Variants in RAPGEF6 observed in about 807,000 individuals in gnomAD.
The protein encoded by RAPGEF6 is Rap guanine nucleotide exchange factor 6, also known as PDZ domain containing guanine nucleotide exchange factor (GEF) 2.
Under a neutral mutation model 171.4 loss-of-function variants are expected in RAPGEF6, and 56 were observed. The ratio of observed to expected loss-of-function variants is 0.33; its 90% CI spans 0.26 to 0.41. The LOEUF (loss-of-function observed/expected upper bound fraction) is 0.41, where lower values mean the gene tolerates loss of function less well. RAPGEF6 is among the 10% of genes least tolerant of loss of function. The probability of loss-of-function intolerance (pLI) is 1.00; values close to 1 mark genes in which losing one functional copy is unlikely to be tolerated. For missense variants in RAPGEF6, 1,674 were observed against 1,921.4 expected (o/e 0.87, Z 2.41); for synonymous variants, 692 against 650.1 (o/e 1.06, Z -0.98).
At chr5:131,486,758 C>A (rs1580901192) in intron 15 of RAPGEF6, among the ~76,000 whole-genome samples, 1 of 125,314 alleles carries the variant, frequency 8.0e-6, no homozygotes, top group Non-Finnish European at 1.6e-5. Context: ...GAGATAGAGT[C>A]TCGCTCTGTC....
At chr5:131,519,705 A>G (rs1758349971) in intron 7 of RAPGEF6, among the ~76,000 whole-genome samples, 1 of 152,196 alleles carries the variant, frequency 6.6e-6, no homozygotes, top group Non-Finnish European at 1.5e-5. Context: ...ATAGTCTTAG[A>G]AAAGTCCAGA....
At position 131,521,509 on chromosome 5, in the gene RAPGEF6, G is replaced by A. The variant is rs147301314; in HGVS notation, c.508C>T (p.Leu170Phe). ...TTTTCTGTGAGATGCATCTTGGTAA[G>A]ATCAGCTGGAAGCTGAAAAAAAAAA... ...VNSYLSLPAD[L>F]TKMHLTENPH... The change falls in exon 7 of 28, where the codon CTT becomes TTT. Residue 170 changes from leucine (L) to phenylalanine (F), a missense_variant. Transcript: ENST00000509018. The A allele has an allele frequency of 3.1e-6, 5 of 1,602,848 alleles. No individual in the cohort carries two copies. In the African/African-American group the frequency reaches 6.7e-5, roughly 22 times the overall value.
intron 7 of RAPGEF6, among the ~76,000 whole-genome samples, chr5:131,516,943 G>T (rs949527806): frequency 6.6e-6 from 1 of 152,170 alleles, no homozygotes; most frequent in Non-Finnish European, 1.5e-5. Context: ...TCTCAAGAAG[G>T]AAATGCATAG....
chr5:131,599,183 C>T (rs1435889765), intron 3 of RAPGEF6, among the ~76,000 whole-genome samples: 2 of 152,058 alleles, frequency 1.3e-5, no homozygotes, highest in African/African-American at 4.8e-5. Context: ...AAAAAGTAGC[C>T]GGGCATGGTG....
intron 12 of RAPGEF6, among the ~76,000 whole-genome samples, chr5:131,496,510 A>G (rs1756650539): frequency 6.6e-6 from 1 of 152,128 alleles, no homozygotes; most frequent in Non-Finnish European, 1.5e-5. Flanking sequence ...TTAAGCTTTC[A>G]CTTCCCATTC....
intron 4 of RAPGEF6, among the ~76,000 whole-genome samples, chr5:131,589,047 G>A (rs1268874030): frequency 6.6e-6 from 1 of 152,056 alleles, no homozygotes; most frequent in Non-Finnish European, 1.5e-5. Flanking sequence ...TCCAACCTGG[G>A]TGACAGAGTG....
chr5:131,501,261 A>G (rs1202547685), intron 11 of RAPGEF6, among the ~76,000 whole-genome samples: 2 of 152,028 alleles, frequency 1.3e-5, no homozygotes, highest in East Asian at 2.0e-4. Flanking sequence ...GCCTGAACCC[A>G]GGAGGCAGAG....
At chr5:131,564,284 T>C (rs1426954633) in intron 4 of RAPGEF6, among the ~76,000 whole-genome samples, 1 of 152,216 alleles carries the variant, frequency 6.6e-6, no homozygotes, top group African/African-American at 2.4e-5. Flanking sequence ...AGCATTTGTG[T>C]GCATATATGC....
intron 4 of RAPGEF6, among the ~76,000 whole-genome samples, chr5:131,580,031 G>A (rs565929973): frequency 1.1e-4 from 17 of 152,356 alleles, no homozygotes; most frequent in Non-Finnish European, 1.8e-4. Context: ...CAAGCTGCGC[G>A]CCTGCACTCC....
intron 15 of RAPGEF6, among the ~76,000 whole-genome samples, chr5:131,487,030 C>G (rs1417601251): frequency 6.6e-6 from 1 of 152,084 alleles, no homozygotes; most frequent in African/African-American, 2.4e-5. Context: ...AGTATTGTGT[C>G]CAGAGTTGGT....
chr5:131,611,267 C>T (rs867514842), intron 1 of RAPGEF6, among the ~76,000 whole-genome samples: 2 of 152,254 alleles, frequency 1.3e-5, no homozygotes, highest in Non-Finnish European at 2.9e-5. Flanking sequence ...ACAACTGCTT[C>T]TAACAGAACC....
intron 1 of RAPGEF6, among the ~76,000 whole-genome samples, chr5:131,629,804 G>T (rs1182981293): frequency 6.6e-6 from 1 of 151,382 alleles, no homozygotes; most frequent in Non-Finnish European, 1.5e-5. Context: ...AAATGAAGAT[G>T]GAGCCTGAAG....
At chr5:131,466,856 C>T (rs1754388111) in intron 17 of RAPGEF6, among the ~76,000 whole-genome samples, 3 of 152,162 alleles carry the variant, frequency 2.0e-5, no homozygotes, top group Non-Finnish European at 4.4e-5. Context: ...TTTCAATTTG[C>T]CAAGAGAAAT....
intron 5 of RAPGEF6, among the ~76,000 whole-genome samples, chr5:131,549,678 T>C (rs1760788163): frequency 6.6e-6 from 1 of 151,702 alleles, no homozygotes; most frequent in Admixed American, 6.6e-5. Context: ...AGACCCTGTC[T>C]CTTAAAAAAA....
At chr5:131,529,901 CTT>C (rs1162181624) in intron 6 of RAPGEF6, among the ~76,000 whole-genome samples, 3 of 119,776 alleles carry the variant, frequency 2.5e-5, no homozygotes, top group African/African-American at 3.3e-5. Flanking sequence ...TTGTCTCCCT[CTT>C]TTTTTTTTTT....
chr5:131,472,665 T>C lies in RAPGEF6; in HGVS notation c.2161A>G (p.Ile721Val). The change falls in exon 17 of 28, where the codon ATC becomes GTC. Residue 721 changes from isoleucine (I) to valine (V), a missense_variant. Transcript: ENST00000509018. ...HCRHSLAIMPIPGTLSSSSPD... is the reference protein window; with the variant it reads ...HCRHSLAIMPVPGTLSSSSPD... ...CTGCTGGATGAGAGTGTTCCAGGGATGGGCATTATAGCCAGACTATGCCTA... is the reference window on the plus strand; with the variant it reads ...CTGCTGGATGAGAGTGTTCCAGGGACGGGCATTATAGCCAGACTATGCCTA... The C allele has an allele frequency of 2.5e-6, 4 of 1,613,498 alleles. No individual in the cohort carries two copies. Among genetic ancestry groups the C allele is most frequent in the African/African-American group, 1.3e-5 (1 of 75,046 alleles).
At chr5:131,466,165 C>T (rs2149839863) in intron 17 of RAPGEF6, among the ~76,000 whole-genome samples, 1 of 150,606 alleles carries the variant, frequency 6.6e-6, no homozygotes, top group African/African-American at 2.4e-5. Flanking sequence ...GAATATAATT[C>T]CAGGGACAAG....
chr5:131,503,361 A>G (rs1397668299), intron 11 of RAPGEF6, among the ~76,000 whole-genome samples: 1 of 152,240 alleles, frequency 6.6e-6, no homozygotes, highest in East Asian at 1.9e-4. Context: ...GAAATTATTT[A>G]GAAATAAATT....
chr5:131,484,363 A>C (rs1031376126), intron 15 of RAPGEF6, among the ~76,000 whole-genome samples: 2 of 150,146 alleles, frequency 1.3e-5, no homozygotes, highest in African/African-American at 4.9e-5. Context: ...AGTAGCTGGG[A>C]CTACAGGTGC....
Sources: gnomAD v4.1 joint callset for allele counts (sites outside exome capture counted in the v4.1 genomes callset) on GRCh38, gnomAD v4.1.1 for gene constraint, MANE v1.5 for transcripts, NCBI Gene and HGNC (gene_info 2026-07-23, HGNC 2026-07-21) for gene names.